The following PHKB variants were observed in gnomAD, a reference collection of about 807,000 sequenced individuals.
PHKB encodes the protein phosphorylase b kinase regulatory subunit beta.
A neutral mutation model predicts 152.1 loss-of-function variants in PHKB; 122 were observed. The observed-to-expected ratio is 0.80, with a 90% CI of 0.69 to 0.93. The LOEUF (loss-of-function observed/expected upper bound fraction) is 0.93. Ranked by LOEUF, PHKB falls within the 40% of genes least tolerant of loss-of-function variation. The pLI, the probability that PHKB is intolerant of heterozygous loss-of-function variation, is 0.00. For synonymous variants in PHKB, 436 were observed against 464.9 expected (o/e 0.94, Z 0.80); for missense variants, 1,304 against 1,328.4 (o/e 0.98, Z 0.29).
chr16:47,496,829 C>T (rs1396953330), intron 1 of PHKB, among the ~76,000 whole-genome samples: 1 of 152,126 alleles, frequency 6.6e-6, no homozygotes, highest in Non-Finnish European at 1.5e-5. Flanking sequence ...AAATGATCTG[C>T]TTATAGTACA....
chr16:47,538,012 C>A (rs1372009889), intron 6 of PHKB, among the ~76,000 whole-genome samples: 1 of 152,076 alleles, frequency 6.6e-6, no homozygotes, highest in Non-Finnish European at 1.5e-5. Context: ...CCCACCTCAG[C>A]CTCCCGAGCA....
intron 3 of PHKB, among the ~76,000 whole-genome samples, chr16:47,501,745 T>C (rs1446205675): frequency 2.6e-5 from 4 of 152,228 alleles, no homozygotes; most frequent in Non-Finnish European, 5.9e-5. Context: ...ATAAAATGTT[T>C]ACAGGAAAAT....
At chr16:47,691,422 A>G (rs575410984) in intron 27 of PHKB, among the ~76,000 whole-genome samples, 1 of 152,266 alleles carries the variant, frequency 6.6e-6, no homozygotes, top group African/African-American at 2.4e-5. Context: ...GAGTAGAGGA[A>G]GGCCAGGCAC....
chr16:47,518,290 A>G (rs559339343), intron 6 of PHKB, among the ~76,000 whole-genome samples: 1 of 152,226 alleles, frequency 6.6e-6, no homozygotes. Flanking sequence ...ACACATACAC[A>G]TACATATGTA....
chr16:47,683,742 C>T (rs1346036184), intron 26 of PHKB, among the ~76,000 whole-genome samples: 1 of 152,208 alleles, frequency 6.6e-6, no homozygotes, highest in East Asian at 1.9e-4. Flanking sequence ...CCTGCTTCGG[C>T]TCGTGCACGG....
At chr16:47,598,593 G>A (rs1373118033) in intron 13 of PHKB, 16 of 986,888 alleles carry the variant, frequency 1.6e-5, no homozygotes, top group South Asian at 5.7e-5. Context: ...ACACGCCCTC[G>A]ATATAGCAGA....
chr16:47,660,848 C>G (rs769597642), intron 22 of PHKB, 29 bp downstream of exon 22: 1 of 1,611,662 alleles, frequency 6.2e-7, no homozygotes, highest in East Asian at 2.2e-5. Context: ...CCACATGGCC[C>G]TAAGTGAGGT....
intron 6 of PHKB, chr16:47,529,523 A>G (rs1218918044): frequency 6.6e-6 from 1 of 151,738 alleles, no homozygotes; most frequent in African/African-American, 2.4e-5. Context: ...AACTTTTTGT[A>G]TTTTAGTGGA....
chr16:47,698,601 C>CTTTTTTTTTTTT lies in PHKB; in HGVS notation c.3144+23_3144+34dup. The CTTTTTTTTTTTT allele has an allele frequency of 1.4e-6, 1 of 730,284 alleles. No homozygotes were observed. The highest frequency in any genetic ancestry group is 1.8e-6 in the Non-Finnish European group (1 of 550,886). The allele number at this position is 730,284 out of a possible 1,614,324, so 45.2% of individuals were successfully genotyped here. Reference sequence around the variant, plus strand: ...AATTGAAAAACAAGTAAGTACACAGCTTTTTTTTTTTTTTTTTTTTTGAGA... The same window carrying CTTTTTTTTTTTT: ...AATTGAAAAACAAGTAAGTACACAGCTTTTTTTTTTTTTTTTTTTTTTTTTTTTTTTTTGAGA... On this transcript the variant is annotated intron_variant, in intron 30 of 30. Coordinates refer to ENST00000323584, the MANE Select transcript of PHKB (RefSeq NM_000293.3).
rs569687866 is a variant in PHKB at position 47,586,456 on chromosome 16, T to G, written c.775-1212T>G. Among the ~76,000 whole-genome samples, 3 of 152,314 alleles carry G rather than the reference T, an allele frequency of 2.0e-5. No individual in the cohort carries two copies. In the East Asian group the frequency reaches 5.8e-4, roughly 29 times the overall value. On this transcript the variant is annotated intron_variant, in intron 8 of 30. Transcript: ENST00000323584. Reference sequence around the variant, plus strand: ...TCATTTATTAATTTACTTGTCAGATTTTAAAAAGATTTTAAAATGATATTC... The same window carrying G: ...TCATTTATTAATTTACTTGTCAGATGTTAAAAAGATTTTAAAATGATATTC...
intron 4 of PHKB, among the ~76,000 whole-genome samples, chr16:47,504,744 CAT>C (rs1418003800): frequency 2.0e-5 from 3 of 152,216 alleles, no homozygotes; most frequent in South Asian, 2.1e-4. Flanking sequence ...AGAAATAACT[CAT>C]GTGAGTGAGT....
intron 4 of PHKB, among the ~76,000 whole-genome samples, chr16:47,505,086 G>A (rs980905474): frequency 1.3e-5 from 2 of 152,224 alleles, no homozygotes; most frequent in African/African-American, 4.8e-5. Flanking sequence ...TTTCTCTCAG[G>A]ATGGCTGGCA....
chr16:47,652,087 T>C (rs1973247355), intron 20 of PHKB, among the ~76,000 whole-genome samples: 2 of 152,238 alleles, frequency 1.3e-5, no homozygotes, highest in Admixed American at 6.5e-5. Context: ...CGGGGTTTTT[T>C]CCCTCAGTCT....
At chr16:47,672,742 T>C (rs1487684206) in intron 26 of PHKB, among the ~76,000 whole-genome samples, 1 of 152,190 alleles carries the variant, frequency 6.6e-6, no homozygotes, top group Non-Finnish European at 1.5e-5. Context: ...AATTCAACTC[T>C]AACCTGATGC....
chr16:47,698,308 G>C (rs1012317677), intron 29 of PHKB, 140 bp from the exon 30 acceptor site: 10 of 697,464 alleles, frequency 1.4e-5, no homozygotes, highest in Admixed American at 4.7e-5. Context: ...TGCAAAATTA[G>C]GAAGATTCCT....
intron 14 of PHKB, among the ~76,000 whole-genome samples, chr16:47,625,092 C>G (rs1490437931): frequency 6.6e-6 from 1 of 152,142 alleles, no homozygotes; most frequent in East Asian, 1.9e-4. Flanking sequence ...CAAATATTTT[C>G]ACTAGTTCCC....
intron 7 of PHKB, chr16:47,562,363 G>A (rs1971490063): frequency 6.6e-6 from 1 of 152,194 alleles, no homozygotes; most frequent in Non-Finnish European, 1.5e-5. Flanking sequence ...GCTGTCCACA[G>A]GTTGTTCAGC....
intron 30 of PHKB, 111 bp downstream of exon 30, chr16:47,698,699 G>A: frequency 1.0e-6 from 1 of 965,380 alleles, no homozygotes; most frequent in Non-Finnish European, 1.5e-6. Context: ...AGATTCACAG[G>A]TGCAAAATAG....
Position 47,661,791 on chromosome 16 carries a change from A to C in PHKB, c.2269A>C (p.Thr757Pro), listed in dbSNP as rs1419889793. The part of the protein sequence containing the change: ...LLKREGPNFI[T>P]KEGTVSDHIE... ...CAAAAGAGAAGGCCCCAACTTCATC[A>C]CAAAGGAAGGTAAGCATGCATGTCT... The change falls in exon 23 of 31, where the codon ACA (threonine) becomes CCA (proline). Residue 757 changes from threonine (T) to proline (P), a missense_variant. Physicochemically the swap from Thr to Pro is conservative, Grantham distance 38. Transcript: ENST00000323584. The C allele has an allele frequency of 3.7e-6, 6 of 1,611,134 alleles. No homozygotes were observed. Among genetic ancestry groups the C allele is most frequent in the Non-Finnish European group, 5.1e-6 (6 of 1,177,422 alleles).
Sources: allele counts gnomAD v4.1 joint callset (sites outside exome capture counted in the v4.1 genomes callset), GRCh38; gene constraint gnomAD v4.1.1; transcripts MANE v1.5; gene names NCBI Gene and HGNC (gene_info 2026-07-23, HGNC 2026-07-21).